Variants in THEM4 observed in about 807,000 individuals in gnomAD.
THEM4 encodes acyl-coenzyme A thioesterase THEM4.
In THEM4, 22 loss-of-function variants were observed where a neutral mutation model predicts 25.0. That is an observed-to-expected ratio of 0.88 (90% CI 0.63 to 1.26). The LOEUF is 1.26. THEM4 is among the 50% of genes most tolerant of loss of function. The pLI is 0.00. For missense variants in THEM4, 286 were observed against 300.3 expected (o/e 0.95, Z 0.35); for synonymous variants, 113 against 105.6 (o/e 1.07, Z -0.43).
chr1:151,889,579 G>A, intron 2 of THEM4: 2 of 501,480 alleles, frequency 4.0e-6, no homozygotes, highest in Admixed American at 3.4e-5. Context: ...GTCCAACTGG[G>A]GACAGAGTAA....
At chr1:151,886,487 T>C (rs1273318173) in intron 4 of THEM4, among the ~76,000 whole-genome samples, 1 of 152,132 alleles carries the variant, frequency 6.6e-6, no homozygotes, top group Non-Finnish European at 1.5e-5. Context: ...CATGGAAAAA[T>C]ATTTTTAAAA....
chr1:151,872,187 G>C lies in THEM4; in HGVS notation c.*2701C>G, dbSNP rs1207524845. Among the ~76,000 whole-genome samples the C allele has an allele frequency of 6.6e-6, 1 of 152,122 alleles. No homozygotes were observed. The highest frequency in any genetic ancestry group is 1.5e-5 in the Non-Finnish European group (1 of 68,012). On this transcript the variant is annotated 3_prime_UTR_variant, in exon 6 of 6. Transcript: ENST00000368814. ...CCCTTGCAACTTGAGAACTGGAGTT[G>C]GGCACTAGAGACAGGGCTTCCAGGA...
intron 3 of THEM4, among the ~76,000 whole-genome samples, 185 bp downstream of exon 3, chr1:151,889,025 ATATT>A (rs778687171): frequency 3.9e-5 from 6 of 152,278 alleles, no homozygotes; most frequent in Middle Eastern, 6.8e-3. Flanking sequence ...ATATATAAAA[ATATT>A]TAATCAATAT....
chr1:151,879,597 A>C (rs1405034519), intron 4 of THEM4, among the ~76,000 whole-genome samples: 4 of 151,758 alleles, frequency 2.6e-5, no homozygotes, highest in Non-Finnish European at 5.9e-5. Flanking sequence ...TGTTTGTCTA[A>C]TAAACCATAC....
At chr1:151,876,828 G>A (rs1466122297) in intron 5 of THEM4, among the ~76,000 whole-genome samples, 173 bp downstream of exon 5, 1 of 151,914 alleles carries the variant, frequency 6.6e-6, no homozygotes, top group Non-Finnish European at 1.5e-5. Flanking sequence ...TGTATGACAG[G>A]GAATTAAGAA....
intron 4 of THEM4, among the ~76,000 whole-genome samples, chr1:151,879,083 T>G (rs1653752822): frequency 6.6e-6 from 1 of 152,070 alleles, no homozygotes; most frequent in Non-Finnish European, 1.5e-5. Flanking sequence ...TTGAGAATAT[T>G]GTGAATATTA....
chr1:151,872,057 G>A lies in THEM4; in HGVS notation c.*2831C>T, dbSNP rs1243861006. ...CATTGCCAGACCTGTAACTTGTAGA[G>A]CTGTGAGCCCAGCCATCTCCTGGGG... On this transcript the variant is annotated 3_prime_UTR_variant, in exon 6 of 6. Transcript: ENST00000368814. 1.3e-5 allele frequency among the ~76,000 whole-genome samples: 2 copies of A among 152,216 alleles called. No homozygotes were observed. The highest frequency in any genetic ancestry group is 2.9e-5 in the Non-Finnish European group (2 of 68,022).
At chr1:151,890,212 A>G (rs1344452437) in intron 2 of THEM4, 1 of 457,486 alleles carries the variant, frequency 2.2e-6, no homozygotes, top group Non-Finnish European at 4.4e-6. Flanking sequence ...GCCATTAACC[A>G]GGCTTTAAAA....
chr1:151,892,829 T>C (rs1444335544), intron 2 of THEM4, among the ~76,000 whole-genome samples: 1 of 152,008 alleles, frequency 6.6e-6, no homozygotes, highest in Non-Finnish European at 1.5e-5. Flanking sequence ...AGATTACCAA[T>C]GGAGTGTGGA....
rs1241481621 is a variant in THEM4, at chr1:151,888,365, G to C, written c.465C>G (p.Ala155=). The C allele has an allele frequency of 6.2e-7, 1 of 1,612,616 alleles. No homozygotes were observed. Among genetic ancestry groups the C allele is most frequent in the East Asian group, 2.2e-5 (1 of 44,830 alleles). The part of the protein sequence containing the change: ...EGPPGFIHGG[A]IATMIDATVG... Reference sequence around the variant, plus strand: ...CAGTAGCATCAATCATGGTTGCAATGGCACCTCCATGAATGAATCTAGTTA... The same window carrying C: ...CAGTAGCATCAATCATGGTTGCAATCGCACCTCCATGAATGAATCTAGTTA... Residue 155 remains alanine (A), a synonymous_variant, in exon 4 of 6, where the codon GCC becomes GCG. Transcript: ENST00000368814.
At chr1:151,886,269 T>C (rs1183063138) in intron 4 of THEM4, among the ~76,000 whole-genome samples, 1 of 152,336 alleles carries the variant, frequency 6.6e-6, no homozygotes, top group African/African-American at 2.4e-5. Context: ...CTGATTTTTG[T>C]GGATGGTTTA....
In THEM4 at chr1:151,873,700, T is replaced by G. The variant is rs1251224416; in HGVS notation, c.*1188A>C. The G allele has an allele frequency of 6.6e-6, 1 of 152,184 alleles. No individual in the cohort carries two copies. The allele number at this position is 152,184 out of a possible 1,614,324, so 9.4% of individuals were successfully genotyped here. A position where few individuals can be genotyped will look rare whatever the true frequency, so the allele number is the denominator to read the frequency against. On this transcript the variant is annotated 3_prime_UTR_variant, in exon 6 of 6. Coordinates refer to ENST00000368814, the MANE Select transcript of THEM4 (RefSeq NM_053055.5). ...TGGTTTCCTTATAAAAAGAGGAGAC[T>G]TGGACACAGAGATAGATCTGCACAG...
chr1:151,889,904 C>CTT (rs5777788), intron 2 of THEM4: 4 of 94,976 alleles, frequency 4.2e-5, no homozygotes, highest in South Asian at 3.6e-4. Flanking sequence ...AACCAGGCTT[C>CTT]TTTTTTTTTT....
chr1:151,899,740 T>G (rs1490777634), intron 1 of THEM4, among the ~76,000 whole-genome samples: 2 of 152,152 alleles, frequency 1.3e-5, no homozygotes, highest in Non-Finnish European at 2.9e-5. Context: ...TTTGGGGGAA[T>G]AATCGAGGAA....
chr1:151,905,568 C>T (rs189700661), intron 1 of THEM4, among the ~76,000 whole-genome samples: 24 of 152,276 alleles, frequency 1.6e-4, no homozygotes, highest in African/African-American at 5.5e-4. Flanking sequence ...AAGGCAGTAA[C>T]AGGCAAAGCC....
At chr1:151,888,155 C>T (rs2101722279) in intron 4 of THEM4, 118 bp downstream of exon 4, 1 of 693,862 alleles carries the variant, frequency 1.4e-6, no homozygotes, top group Non-Finnish European at 2.4e-6. Context: ...CCTTGCTAGT[C>T]TCCTCTGGGA....
Position 151,909,510 on chromosome 1 carries a change from C to A in THEM4, c.-52G>T. On this transcript the variant is annotated 5_prime_UTR_variant, in exon 1 of 6. Coordinates refer to ENST00000368814, the MANE Select transcript of THEM4 (RefSeq NM_053055.5). ...CTCTAGCCCTGGACGGCGCACTCTA[C>A]CTCCGCCACAAGAGCGCGCGTGCGA... 1 of 1,312,786 alleles carries A rather than the reference C, an allele frequency of 7.6e-7. No individual in the cohort carries two copies. Among genetic ancestry groups the A allele is most frequent in the Non-Finnish European group, 9.7e-7 (1 of 1,026,270 alleles). The allele number at this position is 1,312,786 out of a possible 1,614,324, so 81.3% of individuals were successfully genotyped here. A position where few individuals can be genotyped will look rare whatever the true frequency, so the allele number is the denominator to read the frequency against.
chr1:151,896,988 T>C lies in THEM4; in HGVS notation c.100-1794A>G, dbSNP rs565613152. 4.6e-5 allele frequency among the ~76,000 whole-genome samples: 7 copies of C among 152,258 alleles called. No homozygotes were observed. In the South Asian group the frequency reaches 6.2e-4, roughly 14 times the overall value. ...GGTGTCACAGTAACCACAACTTCCA[T>C]CCATCTATTTCTGTAGCACCAAGCA... On this transcript the variant is annotated intron_variant, in intron 1 of 5. Transcript: ENST00000368814.
At chr1:151,900,836 T>C (rs1029173801) in intron 1 of THEM4, among the ~76,000 whole-genome samples, 3 of 152,228 alleles carry the variant, frequency 2.0e-5, no homozygotes, top group Non-Finnish European at 4.4e-5. Context: ...TGCAGCACTG[T>C]GACATATTCG....
Sources: allele counts gnomAD v4.1 joint callset (sites outside exome capture counted in the v4.1 genomes callset), GRCh38; gene constraint gnomAD v4.1.1; transcripts MANE v1.5; gene names NCBI Gene and HGNC (gene_info 2026-07-23, HGNC 2026-07-21).